Variants in EFTUD2 observed in about 807,000 individuals in gnomAD.
The protein encoded by EFTUD2 is 116 kDa U5 small nuclear ribonucleoprotein component.
Under a neutral mutation model 114.3 loss-of-function variants are expected in EFTUD2, and 9 were observed. The observed-to-expected ratio is 0.08, with a 90% CI of 0.05 to 0.14. The LOEUF is 0.14. Among genes scored for constraint, EFTUD2 ranks in the 10% least tolerant of loss-of-function variants. The pLI is 1.00. For missense variants in EFTUD2, 765 were observed against 1,241.2 expected, an observed-to-expected ratio of 0.62 and a Z score of 5.76; for synonymous variants, 449 against 462.3, an observed-to-expected ratio of 0.97 and a Z score of 0.37.
At chr17:44,883,428 A>G (rs1442950868) in intron 5 of EFTUD2, 8 of 610,902 alleles carry the variant, frequency 1.3e-5, no homozygotes, top group Non-Finnish European at 2.0e-5. Context: ...CCAGATGTAG[A>G]CATAAGGCTC....
intron 11 of EFTUD2, among the ~76,000 whole-genome samples, chr17:44,869,624 A>C (rs192650472): frequency 2.1e-4 from 32 of 152,208 alleles, no homozygotes; most frequent in Non-Finnish European, 3.4e-4. Flanking sequence ...CTCCTTGGTT[A>C]AACATTCCAC....
Position 44,883,174 on chromosome 17 carries a change from C to T in EFTUD2, c.427-16G>A. 1 of 1,613,720 alleles carries T rather than the reference C, an allele frequency of 6.2e-7. No individual in the cohort carries two copies. The highest frequency in any genetic ancestry group is 8.5e-7 in the Non-Finnish European group (1 of 1,179,750). Reference sequence around the variant, plus strand: ...CAAAACATGTCTAAAAGGGAAGAAACAGTTAACATCTGCCGACCACAGAGG... The same window carrying T: ...CAAAACATGTCTAAAAGGGAAGAAATAGTTAACATCTGCCGACCACAGAGG... On this transcript the variant is annotated splice_polypyrimidine_tract_variant and intron_variant, in intron 5 of 27. Transcript: ENST00000426333.
intron 9 of EFTUD2, among the ~76,000 whole-genome samples, chr17:44,879,104 G>C (rs920844975): frequency 6.6e-6 from 1 of 152,080 alleles, no homozygotes; most frequent in Non-Finnish European, 1.5e-5. Flanking sequence ...TTCGTTTTTT[G>C]AGAGAATGTC....
In EFTUD2 at chr17:44,881,708, G is replaced by T; in HGVS notation, c.507C>A (p.Asp169Glu). ...TTACCTCTTGCTCTGTGAAGAGGAT[G>T]TCAGTATAGCACAGCTGAAAAAAAA... is the stretch of plus-strand genomic sequence containing the variant. ...KRYDQDLCYTDILFTEQERGV... is the reference protein window; with the variant it reads ...KRYDQDLCYTEILFTEQERGV... The change falls in exon 7 of 28, where the codon GAC (aspartate) becomes GAA (glutamate). Residue 169 changes from aspartate to glutamate, a missense_variant. Asp to Glu is a conservative substitution (Grantham distance 45). Transcript: ENST00000426333. The T allele has an allele frequency of 6.2e-7, 1 of 1,614,188 alleles. No individual in the cohort carries two copies. The highest frequency in any genetic ancestry group is 8.5e-7 in the Non-Finnish European group (1 of 1,180,020).
At chr17:44,859,684 A>C in intron 18 of EFTUD2, 1 of 611,168 alleles carries the variant, frequency 1.6e-6, no homozygotes. Context: ...ACCCCCCATC[A>C]CTGCCCCCTC....
At chr17:44,861,432 G>GAAA (rs35487111) in intron 16 of EFTUD2, among the ~76,000 whole-genome samples, 3 of 100,194 alleles carry the variant, frequency 3.0e-5, no homozygotes, top group Admixed American at 1.2e-4. Flanking sequence ...CTGACAGAGA[G>GAAA]AAAAAAAAAA....
In EFTUD2 at chr17:44,858,045, C is replaced by T. The variant is rs189695679; in HGVS notation, c.1963-888G>A. Among the ~76,000 whole-genome samples, 27 of 151,318 alleles carry T rather than the reference C, an allele frequency of 1.8e-4. No homozygotes were observed. The East Asian group carries it at 5.2e-3, about 29-fold the overall frequency. ...CAAACAATTATCCTGTCTCAGCCTCCTGAGTAGCTGGGATTACAGGTGCCC... is the reference window on the plus strand; with the variant it reads ...CAAACAATTATCCTGTCTCAGCCTCTTGAGTAGCTGGGATTACAGGTGCCC... On this transcript the variant is annotated intron_variant, in intron 19 of 27. Coordinates refer to ENST00000426333, the MANE Select transcript of EFTUD2 (RefSeq NM_004247.4).
chr17:44,863,507 T>A, intron 15 of EFTUD2, 148 bp downstream of exon 15: 1 of 1,164,350 alleles, frequency 8.6e-7, no homozygotes, highest in Non-Finnish European at 1.2e-6. Flanking sequence ...GGTGGCAACA[T>A]CAGGCTTTGC....
chr17:44,899,175 C>A (rs2051463746), intron 1 of EFTUD2, 194 bp downstream of exon 1: 2 of 152,194 alleles, frequency 1.3e-5, no homozygotes. Flanking sequence ...TGCGTGTGTG[C>A]GCGCTTCGGA....
chr17:44,871,128 T>C (rs1377937457), intron 11 of EFTUD2, among the ~76,000 whole-genome samples: 1 of 151,874 alleles, frequency 6.6e-6, no homozygotes, highest in African/African-American at 2.4e-5. Context: ...AGCCTCAACC[T>C]CCCGGGCTCA....
At chr17:44,875,828 C>T in intron 10 of EFTUD2, 106 bp downstream of exon 10, 1 of 1,436,540 alleles carries the variant, frequency 7.0e-7, no homozygotes, top group South Asian at 1.3e-5. Flanking sequence ...GCCCAACAAA[C>T]TCATCAACAC....
chr17:44,860,460 G>A lies in EFTUD2; in HGVS notation c.1691C>T (p.Thr564Ile). 6.2e-7 allele frequency: 1 copy of A among 1,614,052 alleles called. No homozygotes were observed. Among genetic ancestry groups the A allele is most frequent in the Non-Finnish European group, 8.5e-7 (1 of 1,179,980 alleles). Residue 564 changes from threonine (T) to isoleucine (I), a missense_variant, in exon 17 of 28, where the codon ACC becomes ATC. Thr to Ile is a moderately conservative substitution (Grantham distance 89, BLOSUM62 -1). Around this residue, in one of 6 missense-constraint regions of EFTUD2, gnomAD observed 149 missense variants for 245.1 expected, o/e 0.61. Coordinates refer to ENST00000426333, the MANE Select transcript of EFTUD2 (RefSeq NM_004247.4). ...GVDQPIVKTA[T>I]ITEPRGNEEA... ...CTCATTGCCTCGGGGTTCGGTTATGGTTGCTGTCTTCACAATTGGTTGATC... is the reference window on the plus strand; with the variant it reads ...CTCATTGCCTCGGGGTTCGGTTATGATTGCTGTCTTCACAATTGGTTGATC...
chr17:44,858,859 A>G (rs2050604855), intron 19 of EFTUD2, among the ~76,000 whole-genome samples: 1 of 152,066 alleles, frequency 6.6e-6, no homozygotes, highest in Non-Finnish European at 1.5e-5. Flanking sequence ...AAGTGCTGGG[A>G]GTGAGCCACC....
In EFTUD2 at chr17:44,853,561, T is replaced by C; in HGVS notation, c.2422A>G (p.Ile808Val). ...ACGACTCTCCTGGCTGTGGGGATGA[T>C]CTGGCCCCCGCCCCGGTGCAGGGGC... ...QEPLHRGGGQ[I>V]IPTARRVVYS... Residue 808 changes from isoleucine (I) to valine (V), a missense_variant, in exon 24 of 28, where the codon ATC becomes GTC. By Grantham distance (29) the Ile-to-Val change is conservative. This residue lies in a region of EFTUD2 where 166 missense variants were observed against 401.5 expected (regional missense o/e 0.41). Transcript: ENST00000426333. 1 of 1,614,142 alleles carries C rather than the reference T, an allele frequency of 6.2e-7. No individual in the cohort carries two copies. Among genetic ancestry groups the C allele is most frequent in the Admixed American group, 1.7e-5 (1 of 60,014 alleles).
intron 13 of EFTUD2, among the ~76,000 whole-genome samples, chr17:44,866,551 G>T (rs146941029): frequency 6.6e-6 from 1 of 152,014 alleles, no homozygotes; most frequent in South Asian, 2.1e-4. Flanking sequence ...GCTAATTTTT[G>T]TATTTTTAGT....
At position 44,876,074 on chromosome 17, in the gene EFTUD2, G is replaced by C. The variant is rs1377152682; in HGVS notation, c.729C>G (p.Ile243Met). 3 of 1,613,858 alleles carry C rather than the reference G, an allele frequency of 1.9e-6. No homozygotes were observed. Among genetic ancestry groups the C allele is most frequent in the Non-Finnish European group, 2.5e-6 (3 of 1,179,900 alleles). ...CCAGCCTCTCCTGCACCGCATGCTT[G>C]ATCAGCCGCTCTGTGTTCAGCATCA... ...EGVMLNTERLIKHAVQERLAV... is the reference protein window; with the variant it reads ...EGVMLNTERLMKHAVQERLAV... The change falls in exon 10 of 28, where the codon ATC (isoleucine) becomes ATG (methionine). Residue 243 changes from isoleucine to methionine, a missense_variant. Physicochemically the swap from Ile to Met is conservative, Grantham distance 10. Transcript: ENST00000426333.
chr17:44,880,675 T>C, intron 7 of EFTUD2, 31 bp from the exon 8 acceptor site: 1 of 1,584,468 alleles, frequency 6.3e-7, no homozygotes, highest in Non-Finnish European at 8.7e-7. Context: ...TCAAGACCTC[T>C]TCCTATGCAA....
At chr17:44,863,508 C>A in intron 15 of EFTUD2, 147 bp downstream of exon 15, 1 of 1,175,122 alleles carries the variant, frequency 8.5e-7, no homozygotes, top group East Asian at 2.5e-5. Context: ...GTGGCAACAT[C>A]AGGCTTTGCA....
intron 13 of EFTUD2, among the ~76,000 whole-genome samples, chr17:44,867,484 G>A (rs1180705650): frequency 6.6e-6 from 1 of 151,736 alleles, no homozygotes; most frequent in South Asian, 2.1e-4. Flanking sequence ...TATTTTGGTG[G>A]AGACGGGGTT....
Sources: allele counts gnomAD v4.1 joint callset (sites outside exome capture counted in the v4.1 genomes callset), GRCh38; gene constraint gnomAD v4.1.1; regional missense constraint gnomAD v4.1.1; transcripts MANE v1.5; gene names NCBI Gene and HGNC (gene_info 2026-07-23, HGNC 2026-07-21).